MAD1L1: variants seen among roughly 807,000 people sequenced by gnomAD.
MAD1L1 encodes the protein mitotic spindle assembly checkpoint protein MAD1.
In MAD1L1, 95 loss-of-function variants were observed where a neutral mutation model predicts 96.9. The ratio of observed to expected loss-of-function variants is 0.98; its 90% confidence interval spans 0.83 to 1.16. MAD1L1 has a LOEUF of 1.16. Ranked by LOEUF, MAD1L1 falls within the 50% of genes most tolerant of loss-of-function variation. MAD1L1 has a pLI of 0.00. For missense variants in MAD1L1, 1,007 were observed against 954.4 expected, an observed-to-expected ratio of 1.06 and a Z score of -0.73; for synonymous variants, 473 against 396.6, an observed-to-expected ratio of 1.19 and a Z score of -2.29.
At chr7:1,816,251 A>C in intron 18 of MAD1L1, 23 bp from the exon 19 acceptor site, 1 of 1,605,116 alleles carries the variant, frequency 6.2e-7, no homozygotes, top group Non-Finnish European at 8.5e-7. Flanking sequence ...CAAGAAAGAG[A>C]CAAGACAGCG....
In MAD1L1 at chr7:1,899,616, G is replaced by A. The variant is rs73048126; in HGVS notation, c.1808-1226C>T. 2.0e-5 allele frequency among the ~76,000 whole-genome samples: 3 copies of A among 152,302 alleles called. No individual in the cohort carries two copies. The East Asian group carries it at 5.8e-4, about 29-fold the overall frequency. On this transcript the variant is annotated intron_variant, in intron 17 of 18. Coordinates refer to ENST00000265854, the MANE Select transcript of MAD1L1 (RefSeq NM_001013836.2). ...GGTTCCAACTCCAGGCAGCGCCCGG[G>A]GGGAGGCTGGTCCTGAGTTAGAGAT...
At position 2,207,496 on chromosome 7, in the gene MAD1L1, T is replaced by A. The variant is rs545504811; in HGVS notation, c.986+5716A>T. 2.2e-4 allele frequency among the ~76,000 whole-genome samples: 34 copies of A among 152,152 alleles called. 1 individual carries two copies. Among genetic ancestry groups the A allele is most frequent in the Non-Finnish European group, 1.5e-4 (10 of 68,018 alleles). On this transcript the variant is annotated intron_variant, in intron 10 of 18. Transcript: ENST00000265854. ...CCAATGGTGTAATCAATCATGCCTC[T>A]GTGATGAAGCCTCCATAAAAACCCA...
intron 15 of MAD1L1, among the ~76,000 whole-genome samples, chr7:1,965,663 G>T (rs763498181): frequency 1.3e-5 from 2 of 152,254 alleles, no homozygotes; most frequent in African/African-American, 2.4e-5. Flanking sequence ...CACTACCACG[G>T]GCTCAGCCCA....
intron 15 of MAD1L1, among the ~76,000 whole-genome samples, chr7:1,975,063 G>A (rs918783845): frequency 6.6e-6 from 1 of 152,252 alleles, no homozygotes; most frequent in African/African-American, 2.4e-5. Context: ...AGTGGGCTGG[G>A]GACAGCTCTG....
intron 11 of MAD1L1, among the ~76,000 whole-genome samples, chr7:2,116,214 C>T (rs770855974): frequency 2.0e-5 from 3 of 152,206 alleles, no homozygotes; most frequent in South Asian, 4.1e-4. Context: ...CAGAAGGGAG[C>T]GAGAGCCAGG....
In MAD1L1 at chr7:1,859,997, G is replaced by A. The variant is rs565879239; in HGVS notation, c.1998+38203C>T. On this transcript the variant is annotated intron_variant, in intron 18 of 18. Coordinates refer to ENST00000265854, the MANE Select transcript of MAD1L1 (RefSeq NM_001013836.2). ...TCTCCCTAGACGTGACATCCTGTGGGGCGGCCTCTGTTCCCTAGACCTGAC... is the reference window on the plus strand; with the variant it reads ...TCTCCCTAGACGTGACATCCTGTGGAGCGGCCTCTGTTCCCTAGACCTGAC... 4.0e-5 allele frequency among the ~76,000 whole-genome samples: 6 copies of A among 150,402 alleles called. No individual in the cohort carries two copies. The East Asian group carries it at 1.2e-3, about 30-fold the overall frequency.
intron 18 of MAD1L1, among the ~76,000 whole-genome samples, chr7:1,893,918 G>C (rs541755543): frequency 6.6e-6 from 1 of 152,210 alleles, no homozygotes; most frequent in Admixed American, 6.5e-5. Context: ...GCAGGCAGAG[G>C]TGCCAACATG....
chr7:2,056,894 GGCACCTC>G (rs1784409967), intron 12 of MAD1L1, among the ~76,000 whole-genome samples: 1 of 152,306 alleles, frequency 6.6e-6, no homozygotes, highest in East Asian at 1.9e-4. Context: ...GGGGAGACGT[GGCACCTC>G]GCCCCACAAC....
rs569931781 is a variant in MAD1L1, at chr7:1,867,824, T to C, written c.1998+30376A>G. On this transcript the variant is annotated intron_variant, in intron 18 of 18. Transcript: ENST00000265854. ...CCTGCCATCAGCTCTGGGACAATAA[T>C]TGGAGCTGAAGTTGTTCCAACGACT... Among the ~76,000 whole-genome samples, 3 of 152,294 alleles carry C rather than the reference T, an allele frequency of 2.0e-5. No homozygotes were observed. The East Asian group carries it at 5.8e-4, about 29-fold the overall frequency.
chr7:1,850,868 G>C (rs6974035), intron 18 of MAD1L1, among the ~76,000 whole-genome samples: 2 of 152,138 alleles, frequency 1.3e-5, no homozygotes, highest in Non-Finnish European at 2.9e-5. Flanking sequence ...GATGGGGAGT[G>C]GGGAGGGCAC....
intron 18 of MAD1L1, among the ~76,000 whole-genome samples, chr7:1,890,193 T>A (rs933672129): frequency 5.9e-5 from 9 of 152,228 alleles, no homozygotes; most frequent in Non-Finnish European, 1.2e-4. Flanking sequence ...GGACCACGTG[T>A]TCTGGTGTGG....
chr7:2,133,256 G>A lies in MAD1L1; in HGVS notation c.1073+15896C>T, dbSNP rs1488844123. Among the ~76,000 whole-genome samples the A allele has an allele frequency of 5.9e-5, 9 of 151,758 alleles. No individual in the cohort carries two copies. The East Asian group carries it at 7.7e-4, about 13-fold the overall frequency. ...CCTCATGTGCTTCTCCGTCACCCACGTGTCTGCTTTGGTGAGGCACCTGTT... is the reference window on the plus strand; with the variant it reads ...CCTCATGTGCTTCTCCGTCACCCACATGTCTGCTTTGGTGAGGCACCTGTT... On this transcript the variant is annotated intron_variant, in intron 11 of 18. Coordinates refer to ENST00000265854, the MANE Select transcript of MAD1L1 (RefSeq NM_001013836.2).
chr7:2,004,529 G>C (rs1353032463), intron 13 of MAD1L1, among the ~76,000 whole-genome samples: 1 of 152,218 alleles, frequency 6.6e-6, no homozygotes, highest in Non-Finnish European at 1.5e-5. Context: ...GCAGGGCTGA[G>C]AGCTGTGCGC....
In MAD1L1 at chr7:2,149,205, C is replaced by T. The variant is rs1239004916; in HGVS notation, c.1020G>A (p.Glu340=). 4 of 1,613,992 alleles carry T rather than the reference C, an allele frequency of 2.5e-6. No individual in the cohort carries two copies. Among genetic ancestry groups the T allele is most frequent in the Admixed American group, 3.3e-5 (2 of 60,008 alleles). ...TPEDLSRFVV[E]LQQRELALKD... is the part of the protein sequence containing the mutation. ...TCAAGGCAAGCTCCCTCTGCTGCAG[C>T]TCAACCACGAATCTGGAAAGGTCTT... Residue 340 remains glutamate, a synonymous_variant, in exon 11 of 19, where the codon GAG becomes GAA. Coordinates refer to ENST00000265854, the MANE Select transcript of MAD1L1 (RefSeq NM_001013836.2).
chr7:2,135,255 C>T lies in MAD1L1; in HGVS notation c.1073+13897G>A, dbSNP rs1316059984. 4.6e-5 allele frequency among the ~76,000 whole-genome samples: 7 copies of T among 152,168 alleles called. No individual in the cohort carries two copies. In the East Asian group the frequency reaches 9.6e-4, roughly 21 times the overall value. The stretch of plus-strand genomic sequence containing the variant: ...AACTGCACACCTGTGCGGGGCCAGA[C>T]TTATTCCACAGACTCCAAAAGAAGA... On this transcript the variant is annotated intron_variant, in intron 11 of 18. Transcript: ENST00000265854.
In MAD1L1 at chr7:1,901,944, C is replaced by G. The variant is rs371229263; in HGVS notation, c.1808-3554G>C. ...GCAGAACCGGCCCTCTTAGAGGTAC[C>G]TGCTACCACCTTGCAGGGATGCAGG... On this transcript the variant is annotated intron_variant, in intron 17 of 18. Transcript: ENST00000265854. Among the ~76,000 whole-genome samples the G allele has an allele frequency of 4.6e-5, 7 of 152,342 alleles. No homozygotes were observed. In the East Asian group the frequency reaches 1.2e-3, roughly 25 times the overall value.
chr7:1,876,529 G>T (rs1312883704), intron 18 of MAD1L1, among the ~76,000 whole-genome samples: 1 of 152,040 alleles, frequency 6.6e-6, no homozygotes, highest in East Asian at 1.9e-4. Flanking sequence ...AATTAATTAC[G>T]ATACCTTGGA....
intron 18 of MAD1L1, among the ~76,000 whole-genome samples, chr7:1,840,133 C>T (rs1172139615): frequency 6.6e-6 from 1 of 152,212 alleles, no homozygotes; most frequent in African/African-American, 2.4e-5. Context: ...CCCCCAAGCC[C>T]AGGTCTGACA....
chr7:2,129,917 G>A (rs975925945), intron 11 of MAD1L1, among the ~76,000 whole-genome samples: 2 of 152,182 alleles, frequency 1.3e-5, no homozygotes, highest in Non-Finnish European at 2.9e-5. Flanking sequence ...CATGGCACCC[G>A]CTGCCAGGAA....
Sources: gnomAD v4.1 joint callset for allele counts (sites outside exome capture counted in the v4.1 genomes callset) on GRCh38, gnomAD v4.1.1 for gene constraint, MANE v1.5 for transcripts, NCBI Gene and HGNC (gene_info 2026-07-23, HGNC 2026-07-21) for gene names.